KPNB1: variants seen among roughly 807,000 people sequenced by gnomAD.
KPNB1 encodes karyopherin subunit beta 1.
In KPNB1, 7 loss-of-function variants were observed where a neutral mutation model predicts 113.0. The ratio of observed to expected loss-of-function variants is 0.06; its 90% CI spans 0.04 to 0.12. The LOEUF (loss-of-function observed/expected upper bound fraction) is 0.12, where lower values mean the gene tolerates loss of function less well. Ranked by LOEUF, KPNB1 falls within the 10% of genes least tolerant of loss-of-function variation. The probability of loss-of-function intolerance (pLI) is 1.00; values close to 1 mark genes in which losing one functional copy is unlikely to be tolerated. For synonymous variants in KPNB1, 363 were observed against 378.6 expected (o/e 0.96, Z 0.48); for missense variants, 400 against 1,054.8 (o/e 0.38, Z 8.60).
Position 47,680,538 on chromosome 17 carries a change from A to T in KPNB1, c.2499A>T (p.Val833=), listed in dbSNP as rs2030739566. The T allele has an allele frequency of 6.2e-7, 1 of 1,614,110 alleles. No individual in the cohort carries two copies. Among genetic ancestry groups the T allele is most frequent in the Non-Finnish European group, 8.5e-7 (1 of 1,180,048 alleles). ...TATGTACAGCATTTGGGAAGGATGT[A>T]CTGAAATTAGTAGAAGCTAGGCCAA... ...GDLCTAFGKD[V]LKLVEARPMI... Residue 833 remains valine (V), a synonymous_variant, in exon 21 of 22, where the codon GTA becomes GTT. Coordinates refer to ENST00000290158, the MANE Select transcript of KPNB1 (RefSeq NM_002265.6).
intron 21 of KPNB1, 107 bp downstream of exon 21, chr17:47,680,776 T>G (rs1597942142): frequency 4.1e-6 from 5 of 1,206,530 alleles, no homozygotes; most frequent in East Asian, 5.1e-5. Flanking sequence ...TTTTTTTGTT[T>G]GTACTTTTTC....
At chr17:47,650,565 CCCT>C (rs1425360870) in intron 2 of KPNB1, 121 bp downstream of exon 2, 14,953 of 693,266 alleles carry the variant, frequency 0.022, 218 homozygotes, top group Middle Eastern at 0.03. Context: ...TCCCCCTCCC[CCCT>C]CCCCCTCCCC....
chr17:47,666,495 T>C (rs12941835), intron 9 of KPNB1, among the ~76,000 whole-genome samples: 1 of 145,642 alleles, frequency 6.9e-6, no homozygotes, highest in African/African-American at 2.5e-5. Flanking sequence ...TTATATATTT[T>C]ATATAATGTT....
intron 8 of KPNB1, 58 bp from the exon 9 acceptor site, chr17:47,664,999 G>A (rs2030224089): frequency 8.4e-7 from 1 of 1,193,160 alleles, no homozygotes; most frequent in Non-Finnish European, 1.3e-6. Flanking sequence ...CTCATTGTAT[G>A]CCTTTAGTAT....
chr17:47,653,904 C>T (rs777648334), intron 3 of KPNB1, among the ~76,000 whole-genome samples: 2 of 152,114 alleles, frequency 1.3e-5, no homozygotes, highest in Non-Finnish European at 1.5e-5. Flanking sequence ...CATGTTGGTT[C>T]TGCTTGTGTA....
At chr17:47,678,953 A>T (rs995900209) in intron 19 of KPNB1, among the ~76,000 whole-genome samples, 1 of 149,708 alleles carries the variant, frequency 6.7e-6, no homozygotes, top group Non-Finnish European at 1.5e-5. Context: ...AGACAGTCTC[A>T]CTCTCACCCA....
chr17:47,670,587 T>A (rs1387639002), intron 11 of KPNB1, 115 bp from the exon 12 acceptor site: 43 of 1,048,084 alleles, frequency 4.1e-5, no homozygotes, highest in Non-Finnish European at 5.7e-5. Flanking sequence ...GAGATGACCT[T>A]GGCAGAAAAA....
At position 47,660,152 on chromosome 17, in the gene KPNB1, A is replaced by G. The variant is rs117559011; in HGVS notation, c.637-967A>G. Among the ~76,000 whole-genome samples, 596 of 152,222 alleles carry G rather than the reference A, an allele frequency of 3.9e-3. 4 individuals carry two copies. Among genetic ancestry groups the G allele is most frequent in the Non-Finnish European group, 6.9e-3 (471 of 68,010 alleles). ...CTCAGCCACTGGTAACGACCATTTT[A>G]CTTTCAGTTTCTATGTATTTTACTA... On this transcript the variant is annotated intron_variant, in intron 5 of 21. Transcript: ENST00000290158.
intron 16 of KPNB1, among the ~76,000 whole-genome samples, 188 bp downstream of exon 16, chr17:47,676,679 C>A (rs1018387300): frequency 6.6e-6 from 1 of 152,060 alleles, no homozygotes; most frequent in Non-Finnish European, 1.5e-5. Flanking sequence ...ATTAGATGTA[C>A]CAGATAACGG....
intron 21 of KPNB1, among the ~76,000 whole-genome samples, chr17:47,681,454 A>G (rs899628676): frequency 2.0e-5 from 3 of 151,472 alleles, no homozygotes; most frequent in Non-Finnish European, 4.4e-5. Context: ...TTGTATTTTT[A>G]GTAGAAACAG....
intron 15 of KPNB1, 124 bp downstream of exon 15, chr17:47,674,906 T>C (rs2030549852): frequency 2.0e-6 from 2 of 977,354 alleles, no homozygotes; most frequent in Admixed American, 5.5e-5. Flanking sequence ...AGCCTTGAAA[T>C]CGTGGGCTCA....
chr17:47,653,020 T>C, intron 3 of KPNB1, 144 bp downstream of exon 3: 1 of 530,146 alleles, frequency 1.9e-6, no homozygotes, highest in Non-Finnish European at 3.2e-6. Flanking sequence ...AAATTGTCTT[T>C]GTCTTAAATC....
intron 15 of KPNB1, among the ~76,000 whole-genome samples, chr17:47,675,521 A>C (rs2030592790): frequency 6.6e-6 from 1 of 151,668 alleles, no homozygotes; most frequent in South Asian, 2.1e-4. Context: ...GATTATAGGC[A>C]TGAGCCACTG....
chr17:47,649,970 T>A lies in KPNB1; in HGVS notation c.-275T>A. 2 of 1,320,006 alleles carry A rather than the reference T, an allele frequency of 1.5e-6. No homozygotes were observed. Among genetic ancestry groups the A allele is most frequent in the Non-Finnish European group, 1.9e-6 (2 of 1,038,910 alleles). 81.8% of individuals were successfully genotyped at this position (1,320,006 alleles called of 1,614,324 possible). A position where few individuals can be genotyped will look rare whatever the true frequency, so the allele number is the denominator to read the frequency against. ...ACAGCCTCCCTTCCTTCTTTCTCCC[T>A]CCGCCTCCCGAGCACCAGCGCGCTC... On this transcript the variant is annotated 5_prime_UTR_variant, in exon 1 of 22. Coordinates refer to ENST00000290158, the MANE Select transcript of KPNB1 (RefSeq NM_002265.6).
At chr17:47,670,285 A>G in intron 11 of KPNB1, 1 of 216,140 alleles carries the variant, frequency 4.6e-6, no homozygotes, top group South Asian at 8.3e-5. Context: ...GGAAGTTCAA[A>G]TAAGGAAGGA....
intron 21 of KPNB1, among the ~76,000 whole-genome samples, chr17:47,682,156 C>G: frequency 6.6e-6 from 1 of 152,328 alleles, no homozygotes; most frequent in East Asian, 1.9e-4. Context: ...TTCTTTCACT[C>G]TTAATTAGTT....
At chr17:47,669,199 C>T (rs896174956) in intron 10 of KPNB1, among the ~76,000 whole-genome samples, 1 of 152,010 alleles carries the variant, frequency 6.6e-6, no homozygotes, top group African/African-American at 2.4e-5. Flanking sequence ...ACCTCCAGCT[C>T]CCCAGCTTAA....
At chr17:47,662,500 T>C (rs757106002) in intron 6 of KPNB1, among the ~76,000 whole-genome samples, 2 of 150,916 alleles carry the variant, frequency 1.3e-5, no homozygotes, top group African/African-American at 2.4e-5. Flanking sequence ...TGCTTGAGCC[T>C]GGTGGTTGAG....
Position 47,684,209 on chromosome 17 carries a change from G to A in KPNB1, c.*1805G>A, listed in dbSNP as rs771513300. The A allele has an allele frequency of 2.0e-5, 3 of 152,046 alleles. No individual in the cohort carries two copies. Among genetic ancestry groups the A allele is most frequent in the Non-Finnish European group, 2.9e-5 (2 of 68,020 alleles). 9.4% of individuals were successfully genotyped at this position (152,046 alleles called of 1,614,324 possible). On this transcript the variant is annotated 3_prime_UTR_variant, in exon 22 of 22. Coordinates refer to ENST00000290158, the MANE Select transcript of KPNB1 (RefSeq NM_002265.6). Reference sequence around the variant, plus strand: ...TTTATATCCTCCCTTCCATGTCCAAGCCTTCCATTCCTAAGTGGGATTGGC... The same window carrying A: ...TTTATATCCTCCCTTCCATGTCCAAACCTTCCATTCCTAAGTGGGATTGGC...
Sources: gnomAD v4.1 joint callset for allele counts (sites outside exome capture counted in the v4.1 genomes callset) on GRCh38, gnomAD v4.1.1 for gene constraint, MANE v1.5 for transcripts, NCBI Gene and HGNC (gene_info 2026-07-23, HGNC 2026-07-21) for gene names.